Variants in USP10 observed in about 807,000 individuals in gnomAD.
The protein encoded by USP10 is ubiquitin specific peptidase 10, also known as ubiquitin carboxyl-terminal hydrolase 10.
USP10 carries 22 observed loss-of-function variants against 84.5 expected under a neutral mutation model. The observed-to-expected ratio is 0.26, with a 90% CI of 0.19 to 0.37. The LOEUF (loss-of-function observed/expected upper bound fraction) is 0.37. Ranked by LOEUF, USP10 falls within the 10% of genes least tolerant of loss-of-function variation. USP10 has a pLI of 1.00. For missense variants in USP10, 1,019 were observed against 998.9 expected (o/e 1.02, Z -0.27); for synonymous variants, 454 against 387.6 (o/e 1.17, Z -2.01).
chr16:84,707,661 C>A (rs1188663612), intron 1 of USP10, among the ~76,000 whole-genome samples: 1 of 152,162 alleles, frequency 6.6e-6, no homozygotes. Flanking sequence ...CTAATTTTGC[C>A]AGGGAATGAA....
intron 10 of USP10, among the ~76,000 whole-genome samples, chr16:84,764,793 G>A (rs1913636022): frequency 1.3e-5 from 2 of 151,288 alleles, no homozygotes; most frequent in African/African-American, 4.9e-5. Flanking sequence ...TAGCGCCATT[G>A]CACTCCAGCA....
At chr16:84,769,081 A>G (rs1914161130) in intron 11 of USP10, among the ~76,000 whole-genome samples, 1 of 152,198 alleles carries the variant, frequency 6.6e-6, no homozygotes, top group Non-Finnish European at 1.5e-5. Flanking sequence ...GTGGCAGTGA[A>G]TTCATAAAAA....
chr16:84,736,358 C>T (rs981689745), intron 2 of USP10, among the ~76,000 whole-genome samples: 6 of 152,192 alleles, frequency 3.9e-5, no homozygotes, highest in African/African-American at 1.2e-4. Context: ...CCTGCAGAAG[C>T]GCCTCCTGCC....
At chr16:84,769,248 T>A (rs950446582) in intron 11 of USP10, among the ~76,000 whole-genome samples, 1 of 152,190 alleles carries the variant, frequency 6.6e-6, no homozygotes, top group Non-Finnish European at 1.5e-5. Flanking sequence ...CTGGGATGGA[T>A]CTATCCTTGG....
chr16:84,750,966 A>T (rs188251408), intron 4 of USP10, among the ~76,000 whole-genome samples: 1 of 152,310 alleles, frequency 6.6e-6, no homozygotes, highest in Non-Finnish European at 1.5e-5. Context: ...AGTTATTACA[A>T]TTTGGGTCTT....
intron 1 of USP10, among the ~76,000 whole-genome samples, chr16:84,726,818 C>A (rs781358790): frequency 5.9e-5 from 9 of 152,240 alleles, no homozygotes; most frequent in African/African-American, 1.9e-4. Flanking sequence ...TTTGCTCCCC[C>A]GAATCGCAGG....
At chr16:84,735,748 C>T (rs1039222720) in intron 2 of USP10, among the ~76,000 whole-genome samples, 4 of 152,044 alleles carry the variant, frequency 2.6e-5, no homozygotes, top group Non-Finnish European at 5.9e-5. Flanking sequence ...TGTGTGTGGG[C>T]TTATTTGGGC....
At chr16:84,775,978 T>G (rs1403637438) in intron 13 of USP10, among the ~76,000 whole-genome samples, 1 of 152,212 alleles carries the variant, frequency 6.6e-6, no homozygotes. Context: ...TACATGTTTC[T>G]AGCTTCTGTG....
intron 1 of USP10, among the ~76,000 whole-genome samples, chr16:84,729,237 T>A (rs930664207): frequency 1.3e-5 from 2 of 152,278 alleles, no homozygotes; most frequent in Non-Finnish European, 2.9e-5. Flanking sequence ...TATCACATCA[T>A]TCATAATCCA....
chr16:84,758,847 C>A, intron 5 of USP10, 40 bp downstream of exon 5: 2 of 1,442,336 alleles, frequency 1.4e-6, no homozygotes, highest in Non-Finnish European at 2.0e-6. Context: ...CAGCTTGTTG[C>A]AGCTGTCCCT....
chr16:84,778,590 T>C (rs1597419198), intron 13 of USP10, among the ~76,000 whole-genome samples: 1 of 152,222 alleles, frequency 6.6e-6, no homozygotes, highest in East Asian at 1.9e-4. Flanking sequence ...GTACAGCTGA[T>C]GGCTGTGTAG....
intron 13 of USP10, among the ~76,000 whole-genome samples, chr16:84,775,827 A>T (rs1914953690): frequency 6.6e-6 from 1 of 152,050 alleles, no homozygotes; most frequent in African/African-American, 2.4e-5. Context: ...TTTTTCTGCC[A>T]CATCATCTTC....
intron 13 of USP10, among the ~76,000 whole-genome samples, chr16:84,777,448 G>T (rs1270482382): frequency 6.6e-6 from 1 of 152,200 alleles, no homozygotes; most frequent in Non-Finnish European, 1.5e-5. Flanking sequence ...GGATCCAGGG[G>T]ACATGCTGCT....
At chr16:84,772,899 A>G (rs760237494) in intron 12 of USP10, among the ~76,000 whole-genome samples, 7 of 151,876 alleles carry the variant, frequency 4.6e-5, no homozygotes, top group Non-Finnish European at 1.0e-4. Flanking sequence ...ACTAAACTCT[A>G]TAATCTTACT....
At chr16:84,719,551 G>A (rs986441778) in intron 1 of USP10, among the ~76,000 whole-genome samples, 2 of 152,228 alleles carry the variant, frequency 1.3e-5, no homozygotes, top group East Asian at 3.8e-4. Flanking sequence ...GTTGTCTTAG[G>A]CCTTTGTCCA....
chr16:84,739,362 C>A (rs762826067), intron 2 of USP10, among the ~76,000 whole-genome samples: 2 of 152,168 alleles, frequency 1.3e-5, no homozygotes, highest in Non-Finnish European at 2.9e-5. Flanking sequence ...ACCTCCATCC[C>A]CCAGGTTCAA....
chr16:84,767,880 C>T (rs1454302996), intron 10 of USP10, among the ~76,000 whole-genome samples: 3 of 151,794 alleles, frequency 2.0e-5, no homozygotes, highest in Non-Finnish European at 4.4e-5. Context: ...AGCAGACAAA[C>T]AAGTGAACAA....
At chr16:84,727,110 C>G (rs1908592514) in intron 1 of USP10, among the ~76,000 whole-genome samples, 1 of 152,198 alleles carries the variant, frequency 6.6e-6, no homozygotes, top group South Asian at 2.1e-4. Flanking sequence ...ACCAATATGT[C>G]CTAAGCTCTG....
At chr16:84,767,039 C>G (rs1159007470) in intron 10 of USP10, among the ~76,000 whole-genome samples, 3 of 152,106 alleles carry the variant, frequency 2.0e-5, no homozygotes, top group African/African-American at 4.8e-5. Flanking sequence ...AGCGGTTTCC[C>G]CACTACTGTA....
Sources: allele counts gnomAD v4.1 joint callset (sites outside exome capture counted in the v4.1 genomes callset), GRCh38; gene constraint gnomAD v4.1.1; transcripts MANE v1.5; gene names NCBI Gene and HGNC (gene_info 2026-07-23, HGNC 2026-07-21).